CDH23: variants seen among roughly 807,000 people sequenced by gnomAD.
CDH23 encodes cadherin related 23, also known as cadherin-23.
Under a neutral mutation model 317.1 loss-of-function variants are expected in CDH23, and 189 were observed. That is an observed-to-expected ratio of 0.60 (90% CI 0.53 to 0.67). CDH23 has a LOEUF of 0.67. Among genes scored for constraint, CDH23 ranks in the 30% least tolerant of loss-of-function variants. CDH23 has a pLI of 0.00. For synonymous variants in CDH23, 1,839 were observed against 1,876.8 expected, an observed-to-expected ratio of 0.98 and a Z score of 0.52; for missense variants, 4,401 against 4,592.4, an observed-to-expected ratio of 0.96 and a Z score of 1.20.
At chr10:71,663,395 T>A (rs1863758553) in intron 14 of CDH23, among the ~76,000 whole-genome samples, 1 of 152,164 alleles carries the variant, frequency 6.6e-6, no homozygotes, top group Non-Finnish European at 1.5e-5. Flanking sequence ...GAATGCCGTC[T>A]CCCCTGCATC....
In CDH23 at chr10:71,590,848, G is replaced by A. The variant is rs10999903; in HGVS notation, c.832+12856G>A. 3.7e-5 allele frequency among the ~76,000 whole-genome samples: 5 copies of A among 136,816 alleles called. No individual in the cohort carries two copies. The South Asian group carries it at 1.2e-3, about 32-fold the overall frequency. 89.8% of individuals were successfully genotyped at this position (136,816 alleles called of 152,430 possible). A position where few individuals can be genotyped will look rare whatever the true frequency, so the allele number is the denominator to read the frequency against. ...CCCACTGCACTCCAGACTCCAGCCC[G>A]GGCAACAGAGTGAGACCCTGTCTCT... On this transcript the variant is annotated intron_variant, in intron 9 of 69. Transcript: ENST00000224721.
intron 9 of CDH23, among the ~76,000 whole-genome samples, chr10:71,589,135 T>C (rs1459662939): frequency 1.3e-5 from 2 of 151,976 alleles, no homozygotes; most frequent in Non-Finnish European, 2.9e-5. Flanking sequence ...GTAATTTTTT[T>C]TTTTGAGACA....
chr10:71,400,376 G>C (rs1044008321), intron 1 of CDH23, among the ~76,000 whole-genome samples: 9 of 151,618 alleles, frequency 5.9e-5, no homozygotes, highest in African/African-American at 2.0e-4. Flanking sequence ...CTCTTTCCCA[G>C]AGAGAGGGCA....
intron 3 of CDH23, among the ~76,000 whole-genome samples, chr10:71,475,252 C>T (rs10999838): frequency 2.0e-5 from 3 of 152,108 alleles, no homozygotes; most frequent in Non-Finnish European, 4.4e-5. Flanking sequence ...AGGAGCTGCC[C>T]AGGAGCGTCC....
At chr10:71,555,282 G>A (rs751660147) in intron 6 of CDH23, among the ~76,000 whole-genome samples, 6 of 152,166 alleles carry the variant, frequency 3.9e-5, no homozygotes, top group African/African-American at 9.7e-5. Flanking sequence ...TGTCCTGGGC[G>A]CTGGGGCCAG....
At chr10:71,639,554 T>C (rs1162508430) in intron 11 of CDH23, among the ~76,000 whole-genome samples, 2 of 152,180 alleles carry the variant, frequency 1.3e-5, no homozygotes, top group African/African-American at 4.8e-5. Context: ...GAGAGCTGCA[T>C]GGTTAAGAGC....
rs749300827 is a variant in CDH23 at position 71,500,992 on chromosome 10, C to T, written c.146-9090C>T. 3.9e-5 allele frequency among the ~76,000 whole-genome samples: 6 copies of T among 151,948 alleles called. No individual in the cohort carries two copies. In the East Asian group the frequency reaches 5.8e-4, roughly 15 times the overall value. ...TCTAGCAATTCTCCTGCCTCAGCCT[C>T]GAGTAGCTGGGATTACAGGCCTGTG... is the stretch of plus-strand genomic sequence containing the variant. On this transcript the variant is annotated intron_variant, in intron 3 of 69. Coordinates refer to ENST00000224721, the MANE Select transcript of CDH23 (RefSeq NM_022124.6).
Position 71,732,135 on chromosome 10 carries a change from G to T in CDH23, c.3864G>T (p.Gln1288His), listed in dbSNP as rs1839411355. ...SYMMNVSATD[Q>H]APPFNQGFCS... The stretch of plus-strand genomic sequence containing the variant: ...TGATGAATGTGTCGGCCACTGACCA[G>T]GCCCCGCCCTTCAACCAGGGCTTCT... Residue 1288 changes from glutamine (Q) to histidine (H), a missense_variant, in exon 32 of 70, where the codon CAG becomes CAT. Physicochemically the swap from Gln to His is conservative, Grantham distance 24. Around this residue, in one of 3 missense-constraint regions of CDH23, gnomAD observed 3,068 missense variants for 3,203.3 expected, o/e 0.96. Transcript: ENST00000224721. 2 of 1,614,026 alleles carry T rather than the reference G, an allele frequency of 1.2e-6. No homozygotes were observed. Among genetic ancestry groups the T allele is most frequent in the Non-Finnish European group, 1.7e-6 (2 of 1,179,894 alleles).
chr10:71,763,271 G>A (rs1264315684), intron 38 of CDH23, among the ~76,000 whole-genome samples: 1 of 152,232 alleles, frequency 6.6e-6, no homozygotes, highest in African/African-American at 2.4e-5. Context: ...GCCTCTCAAA[G>A]TCTTGGGATT....
chr10:71,541,920 C>T (rs1253169885), intron 6 of CDH23, among the ~76,000 whole-genome samples: 1 of 152,150 alleles, frequency 6.6e-6, no homozygotes, highest in African/African-American at 2.4e-5. Flanking sequence ...TTGCTAAGCA[C>T]TTAAAAATGT....
chr10:71,568,888 C>A (rs567507962), intron 7 of CDH23, among the ~76,000 whole-genome samples: 1 of 152,300 alleles, frequency 6.6e-6, no homozygotes, highest in East Asian at 1.9e-4. Flanking sequence ...TGGGCAGGGG[C>A]ATTTGTGGCA....
chr10:71,487,801 G>A (rs533529581), intron 3 of CDH23, among the ~76,000 whole-genome samples: 8 of 152,274 alleles, frequency 5.3e-5, no homozygotes, highest in African/African-American at 1.7e-4. Flanking sequence ...GAGCCTTGGA[G>A]GATAACCAGT....
intron 11 of CDH23, among the ~76,000 whole-genome samples, chr10:71,639,579 G>A (rs931099308): frequency 2.8e-4 from 42 of 152,316 alleles, no homozygotes; most frequent in African/African-American, 7.9e-4. Context: ...ACTCCGAGGC[G>A]GGGTGGGGGC....
At chr10:71,722,445 T>C (rs1866602172) in intron 28 of CDH23, among the ~76,000 whole-genome samples, 1 of 152,234 alleles carries the variant, frequency 6.6e-6, no homozygotes, top group Non-Finnish European at 1.5e-5. Context: ...GTGTCCTGCA[T>C]TCGTGCTTAC....
intron 6 of CDH23, among the ~76,000 whole-genome samples, chr10:71,550,585 GAAAA>G (rs1856535515): frequency 7.6e-6 from 1 of 132,442 alleles, no homozygotes; most frequent in Non-Finnish European, 1.6e-5. Flanking sequence ...AAAGAAAAAA[GAAAA>G]AGAAAGAAAG....
At chr10:71,633,323 C>T (rs934788762) in intron 11 of CDH23, among the ~76,000 whole-genome samples, 7 of 152,186 alleles carry the variant, frequency 4.6e-5, no homozygotes, top group Admixed American at 6.5e-5. Context: ...CACACTCACA[C>T]ATGCACAGCA....
intron 50 of CDH23, 71 bp downstream of exon 50, chr10:71,798,649 C>T (rs1192828688): frequency 1.6e-6 from 2 of 1,225,942 alleles, no homozygotes; most frequent in African/African-American, 3.0e-5. Flanking sequence ...CAAGAGAGAC[C>T]ACAGCCCCTC....
chr10:71,509,911 G>T (rs1369862469), intron 3 of CDH23, 171 bp from the exon 4 acceptor site: 23 of 655,678 alleles, frequency 3.5e-5, no homozygotes, highest in Non-Finnish European at 5.4e-5. Flanking sequence ...TGGAGGTGGG[G>T]TACCTGGATC....
rs74748657 is a variant in CDH23 at position 71,520,218 on chromosome 10, C to T, written c.429+9006C>T. ...TCCCCGTGGACTGATTGGCTGAAGT[C>T]AGGGCATTGGTGGTCAGGAAACTGA... On this transcript the variant is annotated intron_variant, in intron 6 of 69. Transcript: ENST00000224721. 2.6e-3 allele frequency among the ~76,000 whole-genome samples: 389 copies of T among 152,288 alleles called. 4 individuals carry two copies. The highest frequency in any genetic ancestry group is 9.0e-3 in the African/African-American group (375 of 41,552).
Sources: allele counts gnomAD v4.1 joint callset (sites outside exome capture counted in the v4.1 genomes callset), GRCh38; gene constraint gnomAD v4.1.1; regional missense constraint gnomAD v4.1.1; transcripts MANE v1.5; gene names NCBI Gene and HGNC (gene_info 2026-07-23, HGNC 2026-07-21).